Variants in ADRA1B observed in about 807,000 individuals in gnomAD.
ADRA1B encodes the protein alpha-1B adrenergic receptor.
A neutral mutation model predicts 17.9 loss-of-function variants in ADRA1B; 17 were observed. The observed-to-expected ratio is 0.95, with a 90% CI of 0.65 to 1.42. The LOEUF (loss-of-function observed/expected upper bound fraction) is 1.42. ADRA1B is among the 40% of genes most tolerant of loss of function. ADRA1B has a pLI of 0.00. For synonymous variants in ADRA1B, 366 were observed against 327.6 expected (o/e 1.12, Z -1.27); for missense variants, 681 against 722.1 (o/e 0.94, Z 0.65).
the ADRA1B span, among the ~76,000 whole-genome samples, chr5:159,985,337 T>C: frequency 6.6e-6 from 1 of 152,258 alleles, no homozygotes; most frequent in African/African-American, 2.4e-5. Flanking sequence ...TCTCCTCCAT[T>C]GGAATATGAA....
chr5:159,911,338 A>C (rs1415941261), intron 1 of ADRA1B, among the ~76,000 whole-genome samples: 1 of 152,226 alleles, frequency 6.6e-6, no homozygotes, highest in Non-Finnish European at 1.5e-5. Flanking sequence ...GCACGAAGGC[A>C]TAAGAGAGAA....
At chr5:159,872,197 A>T (rs951897387) in intron 1 of ADRA1B, among the ~76,000 whole-genome samples, 3 of 152,254 alleles carry the variant, frequency 2.0e-5, no homozygotes, top group Non-Finnish European at 4.4e-5. Flanking sequence ...TGGCTCGTCA[A>T]CATTGTTAGA....
Position 159,964,515 on chromosome 5 carries a change from G to A in ADRA1B, c.950-7364G>A, listed in dbSNP as rs925107260. Among the ~76,000 whole-genome samples, 6 of 152,138 alleles carry A rather than the reference G, an allele frequency of 3.9e-5. No homozygotes were observed. In the East Asian group the frequency reaches 7.7e-4, roughly 20 times the overall value. On this transcript the variant is annotated intron_variant, in intron 1 of 1. Transcript: ENST00000306675. ...ATTGAGATACCAAAAACTAATTGACGCAAAGAAAAGCGCTAAGTAAATGGT... is the reference window on the plus strand; with the variant it reads ...ATTGAGATACCAAAAACTAATTGACACAAAGAAAAGCGCTAAGTAAATGGT...
At position 159,917,526 on chromosome 5, in the gene ADRA1B, C is replaced by T. The variant is rs538840783; in HGVS notation, c.621C>T (p.Ser207=). 5.6e-6 allele frequency: 9 copies of T among 1,614,062 alleles called. No individual in the cohort carries two copies. The East Asian group carries it at 1.6e-4, about 28-fold the overall frequency. The change falls in exon 1 of 2, where the codon TCC becomes TCT. Residue 207 remains serine, a synonymous_variant. Coordinates refer to ENST00000306675, the MANE Select transcript of ADRA1B (RefSeq NM_000679.4). ...VTEEPFYALF[S]SLGSFYIPLA... is the part of the protein sequence containing the mutation. ...AAGAACCCTTCTATGCCCTCTTCTC[C>T]TCTCTGGGCTCCTTCTACATCCCTC...
chr5:159,968,913 G>A (rs1755819763), intron 1 of ADRA1B, among the ~76,000 whole-genome samples: 1 of 152,140 alleles, frequency 6.6e-6, no homozygotes, highest in Admixed American at 6.5e-5. Context: ...TTCCCATTTT[G>A]TCAAGGCCAG....
At chr5:159,946,194 A>G (rs1201094643) in intron 1 of ADRA1B, among the ~76,000 whole-genome samples, 1 of 152,218 alleles carries the variant, frequency 6.6e-6, no homozygotes, top group Admixed American at 6.5e-5. Context: ...TCTTACCTAT[A>G]AAAATCTAGA....
chr5:159,890,478 G>A (rs1336471254), intron 1 of ADRA1B, among the ~76,000 whole-genome samples: 2 of 152,190 alleles, frequency 1.3e-5, no homozygotes, highest in Non-Finnish European at 2.9e-5. Flanking sequence ...ATTCAGACAG[G>A]GTAGGGTCCA....
chr5:159,962,090 C>T (rs1011698603), intron 1 of ADRA1B, among the ~76,000 whole-genome samples: 5 of 152,228 alleles, frequency 3.3e-5, no homozygotes, highest in South Asian at 2.1e-4. Flanking sequence ...CCCAGCTACT[C>T]GGGAAGCTGA....
At chr5:159,873,534 A>C (rs1753770897) in intron 1 of ADRA1B, among the ~76,000 whole-genome samples, 1 of 152,206 alleles carries the variant, frequency 6.6e-6, no homozygotes, top group South Asian at 2.1e-4. Context: ...TAAACATCAC[A>C]GTTCAACTTC....
At chr5:159,893,296 A>AGGCGTCCAAGGGTTTGCCTCGGGCTGC (rs1196690935) in intron 1 of ADRA1B, among the ~76,000 whole-genome samples, 74 of 150,126 alleles carry the variant, frequency 4.9e-4, no homozygotes, top group South Asian at 8.5e-4. Flanking sequence ...AGTTGATGCC[A>AGGCGTCCAAGGGTTTGCCTCGGGCTGC]AGTTGGATGA....
In ADRA1B at chr5:159,881,180, CAAAAAA is replaced by C. The variant is rs35928792; in HGVS notation, c.-256+15996_-256+16001del. Among the ~76,000 whole-genome samples the C allele has an allele frequency of 1.8e-3, 105 of 56,820 alleles. 1 individual carries two copies. Among genetic ancestry groups the C allele is most frequent in the African/African-American group, 5.5e-3 (99 of 18,010 alleles). The allele number at this position is 56,820 out of a possible 152,430, so 37.3% of individuals were successfully genotyped here. On this transcript the variant is annotated intron_variant, in intron 1 of 2. Coordinates refer to the ADRA1B transcript ENST00000641205. ...TGGGCGACAGAGCGAGACTCCGTCT[CAAAAAA>C]AAAAAAAAAAAAAAAAAAAAATTCT...
intron 1 of ADRA1B, among the ~76,000 whole-genome samples, chr5:159,939,278 A>AGAGAGTGTGT (rs1417832136): frequency 2.8e-4 from 28 of 98,362 alleles, no homozygotes; most frequent in Non-Finnish European, 4.8e-4. Flanking sequence ...AGAGAGAGAG[A>AGAGAGTGTGT]GTGTGTGTGT....
chr5:159,974,646 A>AAAAAT (rs1210944395), downstream of ADRA1B, among the ~76,000 whole-genome samples: 3 of 152,224 alleles, frequency 2.0e-5, no homozygotes, highest in African/African-American at 7.2e-5. Context: ...AAAAAAAAAA[A>AAAAAT]AAAAATCCTA....
At chr5:159,983,475 G>C in the ADRA1B span, among the ~76,000 whole-genome samples, 1 of 152,230 alleles carries the variant, frequency 6.6e-6, no homozygotes, top group Non-Finnish European at 1.5e-5. Flanking sequence ...AACAGAGACA[G>C]GTATTCCTTC....
intron 1 of ADRA1B, among the ~76,000 whole-genome samples, chr5:159,910,720 A>G (rs550056649): frequency 6.6e-6 from 1 of 152,262 alleles, no homozygotes; most frequent in Admixed American, 6.5e-5. Flanking sequence ...GCTGGATTTG[A>G]TCGATTAATT....
chr5:159,949,281 A>G (rs911757409), intron 1 of ADRA1B, among the ~76,000 whole-genome samples: 4 of 152,212 alleles, frequency 2.6e-5, no homozygotes, highest in Non-Finnish European at 4.4e-5. Flanking sequence ...ATGAAGCCCA[A>G]TCTTCTGATA....
chr5:159,910,885 GT>G (rs1242183556), intron 1 of ADRA1B, among the ~76,000 whole-genome samples: 1 of 152,026 alleles, frequency 6.6e-6, no homozygotes, highest in Admixed American at 6.6e-5. Context: ...ATTTTTTGCT[GT>G]TTTTTTGTTT....
chr5:159,917,840 T>C lies in ADRA1B; in HGVS notation c.935T>C (p.Ile312Thr). Reference sequence around the variant, plus strand: ...ATCTTGTGCTGGCTACCCTTCTTCATCGCTCTACCGCTTGGTAAGTTGGGG... The same window carrying C: ...ATCTTGTGCTGGCTACCCTTCTTCACCGCTCTACCGCTTGGTAAGTTGGGG... ...MFILCWLPFFIALPLGSLFST... is the reference protein window; with the variant it reads ...MFILCWLPFFTALPLGSLFST... Residue 312 changes from isoleucine to threonine, a missense_variant, in exon 1 of 2, where the codon ATC (isoleucine) becomes ACC (threonine). Physicochemically the swap from Ile to Thr is moderately conservative, Grantham distance 89. Around this residue, in one of 3 missense-constraint regions of ADRA1B, gnomAD observed 424 missense variants for 480.2 expected, o/e 0.88. Coordinates refer to ENST00000306675, the MANE Select transcript of ADRA1B (RefSeq NM_000679.4). The C allele has an allele frequency of 6.2e-7, 1 of 1,607,156 alleles. No individual in the cohort carries two copies. Among genetic ancestry groups the C allele is most frequent in the Non-Finnish European group, 8.5e-7 (1 of 1,177,344 alleles).
intron 1 of ADRA1B, among the ~76,000 whole-genome samples, chr5:159,949,692 G>T (rs539925860): frequency 7.6e-4 from 115 of 152,276 alleles, no homozygotes; most frequent in African/African-American, 2.7e-3. Flanking sequence ...CATGTAGTAG[G>T]AGGTACTAGG....
Sources: allele counts gnomAD v4.1 joint callset (sites outside exome capture counted in the v4.1 genomes callset), GRCh38; gene constraint gnomAD v4.1.1; regional missense constraint gnomAD v4.1.1; transcripts MANE v1.5; gene names NCBI Gene and HGNC (gene_info 2026-07-23, HGNC 2026-07-21).